RNF169: variants seen among roughly 807,000 people sequenced by gnomAD.
The protein encoded by RNF169 is ring finger protein 169.
In RNF169, 24 loss-of-function variants were observed where a neutral mutation model predicts 53.9. That is an observed-to-expected ratio of 0.45 (90% CI 0.32 to 0.63). The LOEUF is 0.63. Among genes scored for constraint, RNF169 ranks in the 20% least tolerant of loss-of-function variants. RNF169 has a pLI of 0.04. For missense variants in RNF169, 883 were observed against 906.2 expected, an observed-to-expected ratio of 0.97 and a Z score of 0.33; for synonymous variants, 396 against 363.5, an observed-to-expected ratio of 1.09 and a Z score of -1.02.
chr11:74,777,491 C>T (rs958966555), intron 1 of RNF169, among the ~76,000 whole-genome samples: 2 of 152,142 alleles, frequency 1.3e-5, no homozygotes, highest in East Asian at 1.9e-4. Flanking sequence ...CCTCCTTTAT[C>T]ATGTGCCTCT....
intron 1 of RNF169, among the ~76,000 whole-genome samples, chr11:74,755,634 G>T (rs977145162): frequency 6.6e-6 from 1 of 152,246 alleles, no homozygotes; most frequent in Non-Finnish European, 1.5e-5. Flanking sequence ...CAGAGTAGAG[G>T]AATGGGCTGA....
At chr11:74,760,324 G>C (rs2035061209) in intron 1 of RNF169, among the ~76,000 whole-genome samples, 1 of 152,044 alleles carries the variant, frequency 6.6e-6, no homozygotes, top group Admixed American at 6.5e-5. Flanking sequence ...GTTCTGCTCT[G>C]ATTTTAGTTA....
intron 1 of RNF169, among the ~76,000 whole-genome samples, chr11:74,786,262 T>A (rs2845552): frequency 1.3e-5 from 2 of 149,914 alleles, no homozygotes; most frequent in African/African-American, 5.0e-5. Context: ...TTTTTTTTTT[T>A]AAGAGTTGAA....
intron 1 of RNF169, among the ~76,000 whole-genome samples, chr11:74,765,266 T>G (rs917699395): frequency 4.6e-5 from 7 of 152,178 alleles, no homozygotes; most frequent in African/African-American, 1.7e-4. Flanking sequence ...TCTACACATA[T>G]GTAGAACCAT....
At chr11:74,821,423 C>A (rs907722337) in intron 4 of RNF169, among the ~76,000 whole-genome samples, 1 of 69,466 alleles carries the variant, frequency 1.4e-5, no homozygotes, top group South Asian at 6.3e-4. Context: ...CTTTGGGAGG[C>A]CGAGGCGGGC....
At chr11:74,792,883 T>C (rs946355580) in intron 2 of RNF169, among the ~76,000 whole-genome samples, 1 of 152,200 alleles carries the variant, frequency 6.6e-6, no homozygotes, top group African/African-American at 2.4e-5. Flanking sequence ...GAAACACTCA[T>C]CTATATCATT....
At chr11:74,832,556 C>T (rs931918935) in intron 4 of RNF169, 2 of 152,176 alleles carry the variant, frequency 1.3e-5, no homozygotes, top group South Asian at 4.1e-4. Context: ...AACTTAAGGT[C>T]TAGATCCCGC....
intron 1 of RNF169, among the ~76,000 whole-genome samples, chr11:74,761,207 C>G (rs1296932757): frequency 2.8e-5 from 4 of 143,148 alleles, no homozygotes; most frequent in African/African-American, 5.2e-5. Flanking sequence ...ATGTGTGTCT[C>G]TGCACGTGAG....
At chr11:74,830,893 T>A (rs1414185169) in intron 4 of RNF169, 2 of 152,088 alleles carry the variant, frequency 1.3e-5, no homozygotes, top group African/African-American at 4.8e-5. Context: ...TAATGTACCA[T>A]TTTAGTAGAA....
Position 74,748,904 on chromosome 11 carries a change from T to G in RNF169, c.24T>G (p.Thr8=), listed in dbSNP as rs778927571. ...AGATGGCGGCTGCAGGTCCGAGTAC[T>G]CGGGCCTCTTCCGCGGCGGCAGCAG... is the stretch of plus-strand genomic sequence containing the variant. MAAAGPS[T]RASSAAAAAA... Residue 8 remains threonine, a synonymous_variant, in exon 1 of 6, where the codon ACT becomes ACG. Coordinates refer to ENST00000299563, the MANE Select transcript of RNF169 (RefSeq NM_001098638.2). 2.1e-6 allele frequency: 3 copies of G among 1,441,840 alleles called. No homozygotes were observed. Among genetic ancestry groups the G allele is most frequent in the Admixed American group, 2.5e-5 (1 of 40,150 alleles). The allele number at this position is 1,441,840 out of a possible 1,614,324, so 89.3% of individuals were successfully genotyped here. A position where few individuals can be genotyped will look rare whatever the true frequency, so the allele number is the denominator to read the frequency against.
At chr11:74,750,443 A>G (rs1395103282) in intron 1 of RNF169, among the ~76,000 whole-genome samples, 1 of 152,096 alleles carries the variant, frequency 6.6e-6, no homozygotes, top group Non-Finnish European at 1.5e-5. Flanking sequence ...TGCAGCTTCT[A>G]GAAACCACAG....
chr11:74,823,628 T>G (rs1231950986), intron 4 of RNF169, among the ~76,000 whole-genome samples: 1 of 151,310 alleles, frequency 6.6e-6, no homozygotes, highest in Non-Finnish European at 1.5e-5. Context: ...TTCCAGCTAC[T>G]CAGGAGGCTG....
At chr11:74,755,654 T>C (rs769075862) in intron 1 of RNF169, among the ~76,000 whole-genome samples, 71 of 152,340 alleles carry the variant, frequency 4.7e-4, no homozygotes, top group Non-Finnish European at 9.0e-4. Flanking sequence ...ACTGACAATT[T>C]GCAGGAAGCC....
At position 74,836,269 on chromosome 11, in the gene RNF169, G is replaced by C; in HGVS notation, c.1666G>C (p.Asp556His). 1 of 1,614,194 alleles carries C rather than the reference G, an allele frequency of 6.2e-7. No homozygotes were observed. Among genetic ancestry groups the C allele is most frequent in the Non-Finnish European group, 8.5e-7 (1 of 1,180,036 alleles). The part of the protein sequence containing the change: ...EQFEGLGSTP[D>H]AKLDKTCISR... ...GTTTGAGGGGTTAGGGTCAACTCCAGATGCCAAGTTAGACAAAACCTGTAT... is the reference window on the plus strand; with the variant it reads ...GTTTGAGGGGTTAGGGTCAACTCCACATGCCAAGTTAGACAAAACCTGTAT... Residue 556 changes from aspartate (D) to histidine (H), a missense_variant, in exon 6 of 6, where the codon GAT becomes CAT. Around this residue, in one of 3 missense-constraint regions of RNF169, gnomAD observed 351 missense variants for 337.3 expected, o/e 1.04. Coordinates refer to ENST00000299563, the MANE Select transcript of RNF169 (RefSeq NM_001098638.2).
chr11:74,815,710 A>G (rs374831646), intron 3 of RNF169, among the ~76,000 whole-genome samples: 2 of 152,222 alleles, frequency 1.3e-5, no homozygotes, highest in African/African-American at 4.8e-5. Context: ...GCCTGTCACA[A>G]TCTATATAGT....
chr11:74,829,951 A>G (rs1343980917), intron 4 of RNF169, among the ~76,000 whole-genome samples: 1 of 152,178 alleles, frequency 6.6e-6, no homozygotes, highest in Non-Finnish European at 1.5e-5. Flanking sequence ...GCAAACCACC[A>G]TGACACAGGT....
At chr11:74,790,542 G>T (rs1290981747) in intron 2 of RNF169, among the ~76,000 whole-genome samples, 1 of 152,214 alleles carries the variant, frequency 6.6e-6, no homozygotes, top group Non-Finnish European at 1.5e-5. Flanking sequence ...GGCCTGCTGG[G>T]CTCATTCTGC....
intron 4 of RNF169, among the ~76,000 whole-genome samples, chr11:74,820,913 C>G (rs1055251219): frequency 3.4e-5 from 5 of 145,342 alleles, no homozygotes; most frequent in African/African-American, 1.2e-4. Flanking sequence ...GAGTTCTTAG[C>G]ATACCTCATG....
Position 74,748,914 on chromosome 11 carries a change from T to G in RNF169, c.34T>G (p.Ser12Ala). 1 of 1,451,106 alleles carries G rather than the reference T, an allele frequency of 6.9e-7. No individual in the cohort carries two copies. Among genetic ancestry groups the G allele is most frequent in the Non-Finnish European group, 9.2e-7 (1 of 1,092,576 alleles). The allele number at this position is 1,451,106 out of a possible 1,614,324, so 89.9% of individuals were successfully genotyped here. A position where few individuals can be genotyped will look rare whatever the true frequency, so the allele number is the denominator to read the frequency against. The change falls in exon 1 of 6, where the codon TCC becomes GCC. Residue 12 changes from serine (S) to alanine (A), a missense_variant. Coordinates refer to ENST00000299563, the MANE Select transcript of RNF169 (RefSeq NM_001098638.2). ...AAAGPSTRASSAAAAAALSRR... is the reference protein window; with the variant it reads ...AAAGPSTRASAAAAAAALSRR... Reference sequence around the variant, plus strand: ...TGCAGGTCCGAGTACTCGGGCCTCTTCCGCGGCGGCAGCAGCCGCTCTGAG... The same window carrying G: ...TGCAGGTCCGAGTACTCGGGCCTCTGCCGCGGCGGCAGCAGCCGCTCTGAG...
Sources: allele counts gnomAD v4.1 joint callset (sites outside exome capture counted in the v4.1 genomes callset), GRCh38; gene constraint gnomAD v4.1.1; regional missense constraint gnomAD v4.1.1; transcripts MANE v1.5; gene names NCBI Gene and HGNC (gene_info 2026-07-23, HGNC 2026-07-21).